LOC112694756: variants seen among roughly 807,000 people sequenced by gnomAD.
the LOC112694756 span, chr16:30,069,590 C>G: frequency 6.2e-7 from 1 of 1,614,008 alleles, no homozygotes; most frequent in Non-Finnish European, 8.5e-7. Flanking sequence ...CCAGGCCATG[C>G]TTGCACTCAG....
chr16:30,064,714 T>TA, the LOC112694756 span: 1 of 344,972 alleles, frequency 2.9e-6, no homozygotes, highest in Non-Finnish European at 5.2e-6. Context: ...AGCTGCCTTA[T>TA]AACCAGCCCG....
chr16:30,067,543 G>A, the LOC112694756 span: 61 of 1,613,664 alleles, frequency 3.8e-5, no homozygotes, highest in Non-Finnish European at 4.7e-5. Flanking sequence ...GCTGACGACC[G>A]CGTGAACCCC....
chr16:30,069,086 G>T, the LOC112694756 span: 120 of 1,547,366 alleles, frequency 7.8e-5, no homozygotes, highest in African/African-American at 1.5e-3. Context: ...GCAAGCATTA[G>T]CTTTGGCCCG....
the LOC112694756 span, chr16:30,068,782 T>TC: frequency 6.2e-7 from 1 of 1,614,142 alleles, no homozygotes; most frequent in Non-Finnish European, 8.5e-7. Flanking sequence ...CACATGCCCC[T>TC]CCCCACCGTG....
chr16:30,068,518 A>G, the LOC112694756 span: 1 of 1,058,836 alleles, frequency 9.4e-7, no homozygotes, highest in African/African-American at 1.6e-5. Context: ...CGGGAGGATC[A>G]CTTGAGTCCA....
chr16:30,064,493 C>T, the LOC112694756 span: 1 of 398,756 alleles, frequency 2.5e-6, no homozygotes, highest in Non-Finnish European at 4.4e-6. Context: ...GAAGAATTTC[C>T]TCTGAAGCAC....
chr16:30,070,297 A>G, the LOC112694756 span: 1 of 1,389,940 alleles, frequency 7.2e-7, no homozygotes, highest in Non-Finnish European at 1.0e-6. Context: ...TCGGGGCTCC[A>G]GGCTGGCTTG....
At chr16:30,055,253 G>A in the LOC112694756 span, 8 of 399,150 alleles carry the variant, frequency 2.0e-5, no homozygotes, top group African/African-American at 1.6e-4. Flanking sequence ...CTGGACCTGT[G>A]CAGAAGCCTG....
the LOC112694756 span, chr16:30,070,314 CTCTT>C: frequency 6.4e-6 from 7 of 1,099,424 alleles, no homozygotes; most frequent in African/African-American, 9.2e-5. Context: ...CTTGCCCGCG[CTCTT>C]TCTTCCCTCG....
the LOC112694756 span, chr16:30,067,878 A>G: frequency 1.6e-6 from 1 of 628,384 alleles, no homozygotes; most frequent in Non-Finnish European, 2.8e-6. Flanking sequence ...AGCTCAGGGA[A>G]GTGAAGTGTT....
chr16:30,067,446 C>T, the LOC112694756 span: 2 of 1,613,472 alleles, frequency 1.2e-6, no homozygotes, highest in Non-Finnish European at 1.7e-6. Flanking sequence ...TGTGACACTC[C>T]CAGGGAGCAT....
the LOC112694756 span, chr16:30,067,006 G>A: frequency 1.3e-6 from 2 of 1,568,724 alleles, no homozygotes; most frequent in African/African-American, 2.7e-5. Flanking sequence ...CCCTCAGCTG[G>A]GCAACACCCA....
At chr16:30,067,011 C>T in the LOC112694756 span, 3 of 1,571,182 alleles carry the variant, frequency 1.9e-6, no homozygotes, top group Non-Finnish European at 8.6e-7. Flanking sequence ...AGCTGGGCAA[C>T]ACCCAGCACC....
chr16:30,069,060 G>T, the LOC112694756 span: 1 of 1,591,368 alleles, frequency 6.3e-7, no homozygotes. Flanking sequence ...CTGCCATGAT[G>T]CCTACCTCCC....
At chr16:30,063,612 A>G in the LOC112694756 span, 4 of 397,958 alleles carry the variant, frequency 1.0e-5, no homozygotes, top group African/African-American at 4.1e-5. Flanking sequence ...GATGGACAGT[A>G]CCCTCTGTTC....
chr16:30,059,624 G>A, the LOC112694756 span, among the ~76,000 whole-genome samples: 2 of 148,684 alleles, frequency 1.3e-5, no homozygotes, highest in South Asian at 2.2e-4. Flanking sequence ...ATGCGGTGGC[G>A]TAATCTCGGC....
At chr16:30,054,812 C>T in the LOC112694756 span, 10 of 399,366 alleles carry the variant, frequency 2.5e-5, no homozygotes, top group African/African-American at 6.2e-5. Flanking sequence ...AATCCAACCC[C>T]GGCTCCTGTC....
the LOC112694756 span, chr16:30,064,339 G>A: frequency 2.5e-6 from 1 of 398,676 alleles, no homozygotes; most frequent in Non-Finnish European, 4.4e-6. Flanking sequence ...GGGAGTCAAG[G>A]GAGGAGGGAG....
At chr16:30,066,781 C>T in the LOC112694756 span, 4 of 1,333,438 alleles carry the variant, frequency 3.0e-6, no homozygotes, top group African/African-American at 1.5e-5. Flanking sequence ...GCTTGAAGCA[C>T]AGACCTTTCC....
Sources: gnomAD v4.1 joint callset for allele counts (sites outside exome capture counted in the v4.1 genomes callset) on GRCh38, gnomAD v4.1.1 for gene constraint, MANE v1.5 for transcripts.